WBP4: variants seen among roughly 807,000 people sequenced by gnomAD.
The protein encoded by WBP4 is WW domain binding protein 4, also known as WW domain-binding protein 4.
In WBP4, 37 loss-of-function variants were observed where a neutral mutation model predicts 55.4. That is an observed-to-expected ratio of 0.67 (90% CI 0.51 to 0.88). The LOEUF is 0.88. Among genes scored for constraint, WBP4 ranks in the 40% least tolerant of loss-of-function variants. The pLI is 0.00. For synonymous variants in WBP4, 142 were observed against 140.2 expected (o/e 1.01, Z -0.09); for missense variants, 398 against 420.8 (o/e 0.95, Z 0.47).
intron 4 of WBP4, among the ~76,000 whole-genome samples, chr13:41,068,051 A>T (rs888944176): frequency 5.9e-5 from 9 of 151,986 alleles, no homozygotes; most frequent in Non-Finnish European, 1.3e-4. Flanking sequence ...TCCTTTTTTT[A>T]ATATATATAT....
At chr13:41,063,936 G>T (rs1176080357) in intron 2 of WBP4, among the ~76,000 whole-genome samples, 1 of 151,866 alleles carries the variant, frequency 6.6e-6, no homozygotes, top group Non-Finnish European at 1.5e-5. Flanking sequence ...AGCTTGTGAG[G>T]AATTTCTTAC....
intron 7 of WBP4, among the ~76,000 whole-genome samples, chr13:41,075,073 A>G (rs1260490878): frequency 6.6e-6 from 1 of 152,236 alleles, no homozygotes; most frequent in Non-Finnish European, 1.5e-5. Context: ...CTCTGTATTA[A>G]TTAAGGTGCT....
At position 41,080,790 on chromosome 13, in the gene WBP4, A is replaced by G. The variant is rs767065973; in HGVS notation, c.901A>G (p.Lys301Glu). The change falls in exon 9 of 10, where the codon AAA becomes GAA. Residue 301 changes from lysine to glutamate, a missense_variant. Coordinates refer to ENST00000379487, the MANE Select transcript of WBP4 (RefSeq NM_007187.5). Reference sequence around the variant, plus strand: ...CCCATATGGAGAATGGCAAGAAATTAAACAAGAGGTTGAGTCTCAGTAAGT... The same window carrying G: ...CCCATATGGAGAATGGCAAGAAATTGAACAAGAGGTTGAGTCTCAGTAAGT... Reference protein sequence around the residue: ...SNPYGEWQEIKQEVESHEEVD... With the variant: ...SNPYGEWQEIEQEVESHEEVD... The G allele has an allele frequency of 6.2e-7, 1 of 1,606,242 alleles. No homozygotes were observed. The highest frequency in any genetic ancestry group is 8.5e-7 in the Non-Finnish European group (1 of 1,178,334).
intron 5 of WBP4, among the ~76,000 whole-genome samples, chr13:41,068,957 C>G (rs1480926017): frequency 6.6e-6 from 1 of 152,130 alleles, no homozygotes; most frequent in Non-Finnish European, 1.5e-5. Flanking sequence ...TTGATAATGA[C>G]TTTCTTACAA....
chr13:41,083,069 A>C lies in WBP4; in HGVS notation c.*155A>C. On this transcript the variant is annotated 3_prime_UTR_variant, in exon 10 of 10. Transcript: ENST00000379487. Reference sequence around the variant, plus strand: ...ATTAAAATAAATATTTTTTCATGTGAAATTTATTTTGGTTCCTAAAATGGA... The same window carrying C: ...ATTAAAATAAATATTTTTTCATGTGCAATTTATTTTGGTTCCTAAAATGGA... 1 of 802,864 alleles carries C rather than the reference A, an allele frequency of 1.2e-6. No homozygotes were observed. Among genetic ancestry groups the C allele is most frequent in the Non-Finnish European group, 1.9e-6 (1 of 532,368 alleles). The allele number at this position is 802,864 out of a possible 1,614,324, so 49.7% of individuals were successfully genotyped here.
Position 41,082,982 on chromosome 13 carries a change from T to A in WBP4, c.*68T>A. On this transcript the variant is annotated 3_prime_UTR_variant, in exon 10 of 10. Coordinates refer to ENST00000379487, the MANE Select transcript of WBP4 (RefSeq NM_007187.5). ...GACTTATACACCCAAAGTTTATCTGTGTTTGTTTGTAAGTATTATGATGCT... is the reference window on the plus strand; with the variant it reads ...GACTTATACACCCAAAGTTTATCTGAGTTTGTTTGTAAGTATTATGATGCT... The A allele has an allele frequency of 7.0e-7, 1 of 1,424,036 alleles. No homozygotes were observed. The highest frequency in any genetic ancestry group is 9.7e-7 in the Non-Finnish European group (1 of 1,032,800). 88.2% of individuals were successfully genotyped at this position (1,424,036 alleles called of 1,614,324 possible).
intron 7 of WBP4, among the ~76,000 whole-genome samples, 160 bp from the exon 8 acceptor site, chr13:41,075,884 A>T (rs952347044): frequency 4.6e-5 from 7 of 152,204 alleles, no homozygotes; most frequent in African/African-American, 1.7e-4. Context: ...AAGATACAAG[A>T]GCAAGAGGTT....
intron 8 of WBP4, among the ~76,000 whole-genome samples, chr13:41,079,541 CAA>C (rs35433682): frequency 0.012 from 1,250 of 101,646 alleles, 7 homozygotes; most frequent in Middle Eastern, 0.019. Flanking sequence ...GACTCCGTCT[CAA>C]AAAAAAAAAA....
intron 5 of WBP4, among the ~76,000 whole-genome samples, chr13:41,070,364 G>C (rs1878185359): frequency 6.6e-6 from 1 of 152,002 alleles, no homozygotes; most frequent in South Asian, 2.1e-4. Context: ...AATCCACACA[G>C]AACAATATGA....
At chr13:41,068,876 T>A in intron 5 of WBP4, 139 bp downstream of exon 5, 2 of 936,880 alleles carry the variant, frequency 2.1e-6, no homozygotes, top group African/African-American at 1.7e-5. Flanking sequence ...GCCCCAAAGG[T>A]AAGAAAACTG....
chr13:41,061,768 C>T, intron 1 of WBP4, 93 bp downstream of exon 1: 1 of 1,581,016 alleles, frequency 6.3e-7, no homozygotes, highest in Non-Finnish European at 8.6e-7. Flanking sequence ...TCCCGCCCTT[C>T]GGCCGGGGGC....
intron 2 of WBP4, 49 bp downstream of exon 2, chr13:41,062,765 A>C (rs371639746): frequency 1.5e-5 from 23 of 1,532,580 alleles, no homozygotes; most frequent in Non-Finnish European, 1.8e-5. Context: ...GTGTTGAATG[A>C]AGTGCTCCTT....
At position 41,068,234 on chromosome 13, in the gene WBP4, A is replaced by G. The variant is rs978916513; in HGVS notation, c.263-327A>G. 6.6e-5 allele frequency among the ~76,000 whole-genome samples: 10 copies of G among 152,164 alleles called. No homozygotes were observed. The East Asian group carries it at 1.7e-3, about 26-fold the overall frequency. On this transcript the variant is annotated intron_variant, in intron 4 of 9. Transcript: ENST00000379487. ...ATCCTCTGATATGAAATACCAGCCA[A>G]CCTGAAGTTGGCTCTGTATCTGGAC...
At chr13:41,075,338 T>G (rs996712438) in intron 7 of WBP4, among the ~76,000 whole-genome samples, 1 of 152,204 alleles carries the variant, frequency 6.6e-6, no homozygotes, top group Admixed American at 6.5e-5. Context: ...AATATTCACT[T>G]AGTGCTTCAC....
intron 8 of WBP4, among the ~76,000 whole-genome samples, chr13:41,077,232 T>G (rs1878539447): frequency 6.7e-6 from 1 of 150,196 alleles, no homozygotes; most frequent in Admixed American, 6.7e-5. Context: ...ATCAGCTCAA[T>G]AGATAAAAAG....
At chr13:41,082,675 A>G in intron 9 of WBP4, 29 bp from the exon 10 acceptor site, 1 of 1,608,662 alleles carries the variant, frequency 6.2e-7, no homozygotes, top group Non-Finnish European at 8.5e-7. Flanking sequence ...ACCCTGTCAA[A>G]TAGAGTTTTA....
rs189049354 is a variant in WBP4 at position 41,068,220 on chromosome 13, T to G, written c.263-341T>G. ...ATGATCTGTCTTTTATCCTCTGATATGAAATACCAGCCAACCTGAAGTTGG... is the reference window on the plus strand; with the variant it reads ...ATGATCTGTCTTTTATCCTCTGATAGGAAATACCAGCCAACCTGAAGTTGG... On this transcript the variant is annotated intron_variant, in intron 4 of 9. Coordinates refer to ENST00000379487, the MANE Select transcript of WBP4 (RefSeq NM_007187.5). Among the ~76,000 whole-genome samples, 562 of 152,298 alleles carry G rather than the reference T, an allele frequency of 3.7e-3. 8 individuals are homozygous for G. Among genetic ancestry groups the G allele is most frequent in the African/African-American group, 0.012 (480 of 41,558 alleles).
At position 41,078,793 on chromosome 13, in the gene WBP4, T is replaced by A. The variant is rs185476681; in HGVS notation, c.757-1853T>A. On this transcript the variant is annotated intron_variant, in intron 8 of 9. Coordinates refer to ENST00000379487, the MANE Select transcript of WBP4 (RefSeq NM_007187.5). The stretch of plus-strand genomic sequence containing the variant: ...AGTGAGCTAAGATCGTGCCGTTGCA[T>A]TCCAGCCTGGGCGACAAGAGTGAAA... Among the ~76,000 whole-genome samples, 512 of 151,748 alleles carry A rather than the reference T, an allele frequency of 3.4e-3. 3 individuals carry two copies. Among genetic ancestry groups the A allele is most frequent in the African/African-American group, 0.012 (486 of 41,332 alleles).
chr13:41,063,045 C>T (rs1566207340), intron 2 of WBP4, among the ~76,000 whole-genome samples: 1 of 152,052 alleles, frequency 6.6e-6, no homozygotes, highest in African/African-American at 2.4e-5. Context: ...GTGGAAAGCC[C>T]TTAAAAAATA....
Sources: allele counts gnomAD v4.1 joint callset (sites outside exome capture counted in the v4.1 genomes callset), GRCh38; gene constraint gnomAD v4.1.1; transcripts MANE v1.5; gene names NCBI Gene and HGNC (gene_info 2026-07-23, HGNC 2026-07-21).